Variants in CTNNA2 observed in about 807,000 individuals in gnomAD.
CTNNA2 encodes catenin alpha-2.
CTNNA2 carries 42 observed loss-of-function variants against 101.0 expected under a neutral mutation model. That is an observed-to-expected ratio of 0.42 (90% CI 0.32 to 0.54). CTNNA2 has a LOEUF of 0.54. CTNNA2 is among the 20% of genes least tolerant of loss of function. The pLI is 0.14. For missense variants in CTNNA2, 871 were observed against 1,223.1 expected (o/e 0.71, Z 4.29); for synonymous variants, 450 against 456.4 (o/e 0.99, Z 0.18).
At chr2:80,332,497 A>C (rs942151442) in intron 7 of CTNNA2, among the ~76,000 whole-genome samples, 1 of 152,204 alleles carries the variant, frequency 6.6e-6, no homozygotes, top group Non-Finnish European at 1.5e-5. Flanking sequence ...ATCCTCACTA[A>C]AAATGTCAAG....
chr2:80,268,537 A>G (rs1342357344), intron 7 of CTNNA2, among the ~76,000 whole-genome samples: 1 of 152,144 alleles, frequency 6.6e-6, no homozygotes, highest in African/African-American at 2.4e-5. Flanking sequence ...TGACAAGAAA[A>G]CTGAGACCAG....
At chr2:80,124,730 G>T (rs1200336706) in intron 7 of CTNNA2, among the ~76,000 whole-genome samples, 6 of 152,126 alleles carry the variant, frequency 3.9e-5, no homozygotes, top group African/African-American at 1.4e-4. Context: ...GCCATGCATT[G>T]CTTTTCCCAG....
At chr2:79,247,684 A>G (rs1674716493) in intron 2 of CTNNA2, among the ~76,000 whole-genome samples, 1 of 152,210 alleles carries the variant, frequency 6.6e-6, no homozygotes, top group East Asian at 1.9e-4. Flanking sequence ...TGCAGATGTG[A>G]TTAAGCTAAG....
At chr2:79,979,029 T>A (rs1297254261) in intron 7 of CTNNA2, among the ~76,000 whole-genome samples, 1 of 152,044 alleles carries the variant, frequency 6.6e-6, no homozygotes, top group African/African-American at 2.4e-5. Context: ...TAGAACCTGC[T>A]CACCTGTTGA....
chr2:79,910,339 CTT>C (rs993488760), intron 7 of CTNNA2, among the ~76,000 whole-genome samples: 5 of 152,144 alleles, frequency 3.3e-5, no homozygotes, highest in Admixed American at 2.0e-4. Context: ...GAGTGAGTCT[CTT>C]AAGTTTTCAA....
chr2:79,218,344 TGTGTGTA>T (rs1401434061), intron 2 of CTNNA2, among the ~76,000 whole-genome samples: 80 of 77,326 alleles, frequency 1.0e-3, no homozygotes, highest in East Asian at 5.5e-3. Flanking sequence ...TGTGTGTGTG[TGTGTGTA>T]TTTTTTTTTT....
At chr2:79,509,679 A>T (rs924240544), upstream of CTNNA2, among the ~76,000 whole-genome samples, 1 of 152,170 alleles carries the variant, frequency 6.6e-6, no homozygotes, top group African/African-American at 2.4e-5. Flanking sequence ...TGGTGGATAC[A>T]TGTCGTTATA....
At chr2:79,188,279 G>A (rs941260320) in intron 1 of CTNNA2, among the ~76,000 whole-genome samples, 1 of 151,582 alleles carries the variant, frequency 6.6e-6, no homozygotes, top group Non-Finnish European at 1.5e-5. Context: ...TGAAGTTTTT[G>A]TTGCTGGGCT....
At chr2:80,412,567 G>A (rs1679681290) in intron 8 of CTNNA2, among the ~76,000 whole-genome samples, 1 of 152,132 alleles carries the variant, frequency 6.6e-6, no homozygotes, top group Admixed American at 6.5e-5. Context: ...TCACCAAAAG[G>A]TGATTTGGTG....
chr2:80,589,287 T>C lies in CTNNA2; in HGVS notation c.2008-17T>C. On this transcript the variant is annotated splice_polypyrimidine_tract_variant and intron_variant, in intron 14 of 18. Coordinates refer to ENST00000402739, the MANE Select transcript of CTNNA2 (RefSeq NM_001282597.3). ...CCTTTGTCACCGTCACTCACGCTTT[T>C]TCTGTAACCCACGCAGGCCATCATG... 1.2e-6 allele frequency: 2 copies of C among 1,613,004 alleles called. No homozygotes were observed.
intron 1 of CTNNA2, among the ~76,000 whole-genome samples, chr2:79,552,439 C>A (rs1034442890): frequency 2.6e-5 from 4 of 152,120 alleles, no homozygotes; most frequent in African/African-American, 9.6e-5. Flanking sequence ...AGTAAATCTA[C>A]AATTCTGGAG....
intron 3 of CTNNA2, among the ~76,000 whole-genome samples, chr2:79,367,568 C>T (rs1178632668): frequency 6.6e-6 from 1 of 151,970 alleles, no homozygotes; most frequent in Admixed American, 6.6e-5. Context: ...GCCTTCTAGA[C>T]CACTGTAGAA....
chr2:79,451,529 T>A (rs1018331536), intron 4 of CTNNA2, among the ~76,000 whole-genome samples: 2 of 151,916 alleles, frequency 1.3e-5, no homozygotes, highest in Non-Finnish European at 2.9e-5. Flanking sequence ...TCGTTTGTAA[T>A]ATAATCTCAC....
At chr2:80,461,234 C>T (rs1321185571) in intron 9 of CTNNA2, among the ~76,000 whole-genome samples, 1 of 152,184 alleles carries the variant, frequency 6.6e-6, no homozygotes, top group Non-Finnish European at 1.5e-5. Context: ...TGATCACCCT[C>T]CTTGTCTGAT....
At chr2:80,044,475 T>C (rs1696384220) in intron 7 of CTNNA2, among the ~76,000 whole-genome samples, 1 of 152,158 alleles carries the variant, frequency 6.6e-6, no homozygotes, top group Non-Finnish European at 1.5e-5. Context: ...TACATGCCAT[T>C]ATGAAAAAAA....
intron 2 of CTNNA2, among the ~76,000 whole-genome samples, chr2:79,287,974 G>T (rs1221064188): frequency 1.3e-5 from 2 of 152,250 alleles, no homozygotes; most frequent in Non-Finnish European, 2.9e-5. Flanking sequence ...AAGCCGGTCG[G>T]AAAAGCGCAG....
At chr2:79,588,561 A>G (rs996898316) in intron 1 of CTNNA2, among the ~76,000 whole-genome samples, 1 of 152,218 alleles carries the variant, frequency 6.6e-6, no homozygotes, top group Non-Finnish European at 1.5e-5. Context: ...TCCAGAAATT[A>G]ATTAAACCAT....
chr2:79,891,779 G>C (rs142072520), intron 6 of CTNNA2, among the ~76,000 whole-genome samples: 2 of 151,876 alleles, frequency 1.3e-5, no homozygotes, highest in Non-Finnish European at 2.9e-5. Flanking sequence ...GAAGTAAGTA[G>C]GAAGAAACAA....
Position 80,264,572 on chromosome 2 carries a change from C to T in CTNNA2, c.1057-128639C>T, listed in dbSNP as rs370343090. ...TGGCTTCAATGCTCACCAACATCCT[C>T]CTCATTGCTGGTTGATGCCTAGAAT... On this transcript the variant is annotated intron_variant, in intron 7 of 18. Coordinates refer to ENST00000402739, the MANE Select transcript of CTNNA2 (RefSeq NM_001282597.3). Among the ~76,000 whole-genome samples the T allele has an allele frequency of 6.6e-5, 10 of 152,300 alleles. No individual in the cohort carries two copies. In the East Asian group the frequency reaches 1.7e-3, roughly 27 times the overall value.
Sources: gnomAD v4.1 joint callset for allele counts (sites outside exome capture counted in the v4.1 genomes callset) on GRCh38, gnomAD v4.1.1 for gene constraint, MANE v1.5 for transcripts, NCBI Gene and HGNC (gene_info 2026-07-23, HGNC 2026-07-21) for gene names.